DLG2: variants seen among roughly 807,000 people sequenced by gnomAD.
The protein encoded by DLG2 is disks large homolog 2.
In DLG2, 45 loss-of-function variants were observed where a neutral mutation model predicts 132.5. The ratio of observed to expected loss-of-function variants is 0.34; its 90% confidence interval spans 0.27 to 0.44. The LOEUF is 0.44. DLG2 is among the 20% of genes least tolerant of loss of function. The pLI, the probability that DLG2 is intolerant of heterozygous loss-of-function variation, is 1.00. For synonymous variants in DLG2, 424 were observed against 419.6 expected, an observed-to-expected ratio of 1.01 and a Z score of -0.13; for missense variants, 1,045 against 1,196.9, an observed-to-expected ratio of 0.87 and a Z score of 1.87.
chr11:84,584,615 C>G (rs2099524619), intron 6 of DLG2, among the ~76,000 whole-genome samples: 1 of 150,830 alleles, frequency 6.6e-6, no homozygotes, highest in South Asian at 2.1e-4. Context: ...ATCTTCCTGC[C>G]TCAGCCTCCC....
intron 3 of DLG2, among the ~76,000 whole-genome samples, chr11:85,411,239 TTAAAAG>T (rs1438766774): frequency 6.7e-6 from 1 of 149,594 alleles, no homozygotes; most frequent in Non-Finnish European, 1.5e-5. Context: ...CTGCAAAAAA[TTAAAAG>T]TAAAAGAAAA....
At chr11:84,928,539 A>G (rs1024397200) in intron 6 of DLG2, among the ~76,000 whole-genome samples, 1 of 151,958 alleles carries the variant, frequency 6.6e-6, no homozygotes, top group African/African-American at 2.4e-5. Flanking sequence ...AGGTGAAGGT[A>G]AAAAGGTGCT....
chr11:85,097,522 G>A (rs2070065195), intron 6 of DLG2, among the ~76,000 whole-genome samples: 1 of 152,234 alleles, frequency 6.6e-6, no homozygotes, highest in South Asian at 2.1e-4. Context: ...GAATAATGGT[G>A]ATGAGCTATA....
intron 15 of DLG2, among the ~76,000 whole-genome samples, chr11:83,929,943 A>T (rs1176850168): frequency 6.6e-6 from 1 of 152,230 alleles, no homozygotes; most frequent in African/African-American, 2.4e-5. Flanking sequence ...CCTGGAGCAT[A>T]GTAAGCACTT....
intron 17 of DLG2, among the ~76,000 whole-genome samples, chr11:83,817,670 T>C (rs1014120928): frequency 6.6e-6 from 1 of 151,926 alleles, no homozygotes; most frequent in Non-Finnish European, 1.5e-5. Context: ...AGGCCAAGAG[T>C]TGAAAAACAG....
intron 2 of DLG2, among the ~76,000 whole-genome samples, chr11:85,626,033 A>T (rs1270477663): frequency 1.3e-5 from 2 of 152,278 alleles, no homozygotes; most frequent in Admixed American, 1.3e-4. Context: ...TTATTGGATA[A>T]TGCATATATC....
At chr11:83,871,243 A>G (rs994434171) in intron 16 of DLG2, among the ~76,000 whole-genome samples, 2 of 152,160 alleles carry the variant, frequency 1.3e-5, no homozygotes, top group Non-Finnish European at 2.9e-5. Flanking sequence ...GCTAATAGGG[A>G]TATTATTCTT....
At chr11:84,219,119 G>T (rs2096879648) in intron 8 of DLG2, among the ~76,000 whole-genome samples, 1 of 152,186 alleles carries the variant, frequency 6.6e-6, no homozygotes, top group Admixed American at 6.5e-5. Flanking sequence ...TACCTTCAGA[G>T]AATTTCTGAA....
At chr11:85,226,142 T>C in intron 4 of DLG2, among the ~76,000 whole-genome samples, 1 of 150,442 alleles carries the variant, frequency 6.6e-6, no homozygotes, top group African/African-American at 2.4e-5. Context: ...TAACAATATA[T>C]GTGTTATAAT....
chr11:84,651,536 G>A (rs2099682080), intron 6 of DLG2, among the ~76,000 whole-genome samples: 1 of 152,128 alleles, frequency 6.6e-6, no homozygotes, highest in Non-Finnish European at 1.5e-5. Context: ...AGAGAGCAAA[G>A]GTCACTCCTC....
At chr11:84,218,305 AAGAG>A (rs71036409) in intron 8 of DLG2, among the ~76,000 whole-genome samples, 51 of 143,454 alleles carry the variant, frequency 3.6e-4, no homozygotes, top group Non-Finnish European at 6.1e-4. Context: ...AAGAGAAAGA[AAGAG>A]AGAGAGAGAA....
chr11:84,190,565 C>G (rs959896455), intron 8 of DLG2, among the ~76,000 whole-genome samples: 4 of 152,138 alleles, frequency 2.6e-5, no homozygotes, highest in African/African-American at 7.2e-5. Context: ...TGAAGTTATT[C>G]AGAGTTGTAC....
At chr11:85,081,616 G>A (rs1036550235) in intron 6 of DLG2, among the ~76,000 whole-genome samples, 1 of 152,170 alleles carries the variant, frequency 6.6e-6, no homozygotes, top group Non-Finnish European at 1.5e-5. Flanking sequence ...ATTGAGGCAA[G>A]GGTGGAGACA....
At chr11:85,016,356 A>G (rs2059575887) in intron 6 of DLG2, among the ~76,000 whole-genome samples, 1 of 152,026 alleles carries the variant, frequency 6.6e-6, no homozygotes, top group Non-Finnish European at 1.5e-5. Flanking sequence ...TTCAACTCCT[A>G]TCCTTTAACC....
At chr11:84,986,492 T>C (rs1356691861) in intron 6 of DLG2, among the ~76,000 whole-genome samples, 1 of 152,040 alleles carries the variant, frequency 6.6e-6, no homozygotes, top group Non-Finnish European at 1.5e-5. Flanking sequence ...TACAGACCAA[T>C]ATCCCTGATG....
chr11:83,886,459 T>G (rs1211283264), intron 15 of DLG2, among the ~76,000 whole-genome samples: 1 of 151,954 alleles, frequency 6.6e-6, no homozygotes, highest in East Asian at 1.9e-4. Context: ...AAGTCCTGAG[T>G]GACCTACAAA....
At chr11:84,368,042 A>C (rs915456655) in intron 7 of DLG2, among the ~76,000 whole-genome samples, 1 of 152,094 alleles carries the variant, frequency 6.6e-6, no homozygotes, top group East Asian at 1.9e-4. Flanking sequence ...CTGACAGGTA[A>C]TTTACTTTCT....
chr11:85,008,754 G>C (rs2253167), intron 6 of DLG2, among the ~76,000 whole-genome samples: 107,486 of 151,908 alleles, frequency 0.71, 39,057 homozygotes, highest in East Asian at 0.92. Flanking sequence ...CAATTCTGCT[G>C]TCATTAAACT....
intron 15 of DLG2, among the ~76,000 whole-genome samples, chr11:83,906,081 C>CTATATATATA (rs773692866): frequency 2.1e-5 from 2 of 96,602 alleles, no homozygotes; most frequent in African/African-American, 8.8e-5. Flanking sequence ...CTCTCTCTCT[C>CTATATATATA]TATATATATA....
Sources: allele counts gnomAD v4.1 joint callset (sites outside exome capture counted in the v4.1 genomes callset), GRCh38; gene constraint gnomAD v4.1.1; transcripts MANE v1.5; gene names NCBI Gene and HGNC (gene_info 2026-07-23, HGNC 2026-07-21).